The following VAMP1 variants were observed in gnomAD, a reference collection of about 807,000 sequenced individuals.
The protein encoded by VAMP1 is vesicle-associated membrane protein 1.
A neutral mutation model predicts 19.1 loss-of-function variants in VAMP1; 16 were observed. The ratio of observed to expected loss-of-function variants is 0.84; its 90% CI spans 0.57 to 1.27. VAMP1 has a LOEUF of 1.27. VAMP1 is among the 50% of genes most tolerant of loss of function. The pLI is 0.00. For missense variants in VAMP1, 109 were observed against 145.4 expected (o/e 0.75, Z 1.29); for synonymous variants, 37 against 50.2 (o/e 0.74, Z 1.11).
intron 3 of VAMP1, chr12:6,465,310 A>AAT (rs1949975298): frequency 2.6e-6 from 1 of 382,044 alleles, no homozygotes; most frequent in South Asian, 2.0e-5. Flanking sequence ...GTTATTTAAA[A>AAT]ATATATATTT....
At chr12:6,467,939 C>T (rs569937322) in intron 1 of VAMP1, among the ~76,000 whole-genome samples, 3 of 152,336 alleles carry the variant, frequency 2.0e-5, no homozygotes, top group East Asian at 3.9e-4. Flanking sequence ...AACTGAGGTT[C>T]GGGAACCTCC....
In VAMP1 at chr12:6,464,463, T is replaced by A. The variant is rs777865936; in HGVS notation, c.*7A>T. The A allele has an allele frequency of 1.9e-6, 3 of 1,553,912 alleles. No homozygotes were observed. Among genetic ancestry groups the A allele is most frequent in the Non-Finnish European group, 2.6e-6 (3 of 1,148,738 alleles). On this transcript the variant is annotated 3_prime_UTR_variant, in exon 5 of 5. Coordinates refer to ENST00000396308, the MANE Select transcript of VAMP1 (RefSeq NM_014231.5). Reference sequence around the variant, plus strand: ...GCAATGGACAACAGGGAAGGGGTGGTACATTCTCAAGTAAAAAAGTAGACT... The same window carrying A: ...GCAATGGACAACAGGGAAGGGGTGGAACATTCTCAAGTAAAAAAGTAGACT...
intron 4 of VAMP1, 146 bp downstream of exon 4, chr12:6,464,744 C>G (rs71584833): frequency 2.8e-5 from 42 of 1,519,780 alleles, no homozygotes; most frequent in Non-Finnish European, 3.3e-5. Flanking sequence ...GCCCTTCCCC[C>G]GTCCCGAACC....
chr12:6,463,145 A>G lies in VAMP1; in HGVS notation c.*1325T>C. 1 of 1,466,158 alleles carries G rather than the reference A, an allele frequency of 6.8e-7. No homozygotes were observed. Among genetic ancestry groups the G allele is most frequent in the South Asian group, 1.4e-5 (1 of 72,046 alleles). The allele number at this position is 1,466,158 out of a possible 1,614,324, so 90.8% of individuals were successfully genotyped here. On this transcript the variant is annotated 3_prime_UTR_variant, in exon 5 of 5. Coordinates refer to ENST00000396308, the MANE Select transcript of VAMP1 (RefSeq NM_014231.5). The surrounding 1 kb of genome is among the most constrained non-coding windows in gnomAD (Gnocchi z 4.0). ...ATCCCATCCTCAGGTTCCACTGTCT[A>G]TACACACAAACCATGCAAAGAGGAG...
In VAMP1 at chr12:6,465,414, G is replaced by GTA. The variant is rs746403911; in HGVS notation, c.288+426_288+427dup. 70 of 39,538 alleles carry GTA rather than the reference G, an allele frequency of 1.8e-3. 4 individuals are homozygous for GTA. The highest frequency in any genetic ancestry group is 6.1e-3 in the Admixed American group (23 of 3,774). 2.4% of individuals were successfully genotyped at this position (39,538 alleles called of 1,614,324 possible). On this transcript the variant is annotated intron_variant, in intron 3 of 4. Transcript: ENST00000396308. ...TATATATATATAAATGTATATATAT[G>GTA]TATATATATATATAAATGTATATAT...
intron 1 of VAMP1, among the ~76,000 whole-genome samples, chr12:6,470,280 G>C (rs2137016665): frequency 6.6e-6 from 1 of 152,128 alleles, no homozygotes; most frequent in Admixed American, 6.5e-5. Context: ...ACTCAGACGA[G>C]AGGAGAGGGT....
rs1311315110 is a variant in VAMP1, at chr12:6,464,542, C to G, written c.341-56G>C. 3.4e-6 allele frequency: 5 copies of G among 1,469,444 alleles called. No individual in the cohort carries two copies. The African/African-American group carries it at 4.3e-5, about 13-fold the overall frequency. The allele number at this position is 1,469,444 out of a possible 1,614,324, so 91.0% of individuals were successfully genotyped here. A position where few individuals can be genotyped will look rare whatever the true frequency, so the allele number is the denominator to read the frequency against. On this transcript the variant is annotated intron_variant, in intron 4 of 4. Transcript: ENST00000396308. ...GAAAAGAGAAAGAGACAGGAGAAAA[C>G]AAGAGGGTGAATTACACCAAGTTAC...
At position 6,462,946 on chromosome 12, in the gene VAMP1, G is replaced by A; in HGVS notation, c.*1524C>T. The A allele has an allele frequency of 6.4e-7, 1 of 1,554,610 alleles. No homozygotes were observed. The highest frequency in any genetic ancestry group is 8.7e-7 in the Non-Finnish European group (1 of 1,148,706). On this transcript the variant is annotated 3_prime_UTR_variant, in exon 5 of 5. Transcript: ENST00000396308. Reference sequence around the variant, plus strand: ...CATGGAAAGTGGGCATCCAGACCCTGCCCAGCATGGCCTCAGCCTCTTCCT... The same window carrying A: ...CATGGAAAGTGGGCATCCAGACCCTACCCAGCATGGCCTCAGCCTCTTCCT...
rs1446174834 is a variant in VAMP1, at chr12:6,462,963, C to T, written c.*1507G>A. ...CAGACCCTGCCCAGCATGGCCTCAG[C>T]CTCTTCCTGTTCGTGGACCGAGGGA... On this transcript the variant is annotated 3_prime_UTR_variant, in exon 5 of 5. Coordinates refer to ENST00000396308, the MANE Select transcript of VAMP1 (RefSeq NM_014231.5). 2 of 1,552,982 alleles carry T rather than the reference C, an allele frequency of 1.3e-6. No homozygotes were observed. Among genetic ancestry groups the T allele is most frequent in the African/African-American group, 2.7e-5 (2 of 73,168 alleles).
rs145088983 is a variant in VAMP1, at chr12:6,466,240, C to T, written c.114G>A (p.Gln38=). ...MTSNRRLQQT[Q]AQVEEVVDII... ...ATCTACCTACCTCCTCCACTTGTGC[C>T]TGGGTTTGCTGTAGTCGTCTGTTAC... Residue 38 remains glutamine (Q), a synonymous_variant, in exon 2 of 5, where the codon CAG becomes CAA. Transcript: ENST00000396308. 2.7e-4 allele frequency: 430 copies of T among 1,614,096 alleles called. No individual in the cohort carries two copies. Among genetic ancestry groups the T allele is most frequent in the Non-Finnish European group, 3.4e-4 (405 of 1,180,056 alleles).
chr12:6,469,357 C>T (rs1945710584), intron 1 of VAMP1, among the ~76,000 whole-genome samples: 1 of 152,180 alleles, frequency 6.6e-6, no homozygotes, highest in Non-Finnish European at 1.5e-5. Context: ...CTAGCCACCA[C>T]GATTTTTCTG....
At position 6,465,865 on chromosome 12, in the gene VAMP1, T is replaced by A; in HGVS notation, c.265A>T (p.Lys89Ter). 1 of 1,614,184 alleles carries A rather than the reference T, an allele frequency of 6.2e-7. No individual in the cohort carries two copies. The highest frequency in any genetic ancestry group is 8.5e-7 in the Non-Finnish European group (1 of 1,180,036). Reference protein sequence around the residue: ...FESSAAKLKRKYWWKNCKMMI... With the variant: ...FESSAAKLKR ...ACCTTGCAGTTTTTCCACCAATACTTCCTCTTTAGCTTGGCAGCACTGCTC... is the reference window on the plus strand; with the variant it reads ...ACCTTGCAGTTTTTCCACCAATACTACCTCTTTAGCTTGGCAGCACTGCTC... Residue 89 changes from lysine to a stop codon, truncating the protein, a stop_gained, in exon 3 of 5, where the codon AAG (lysine) becomes TAG (stop). Coordinates refer to ENST00000396308, the MANE Select transcript of VAMP1 (RefSeq NM_014231.5). LOFTEE classifies it high-confidence loss of function.
Position 6,463,559 on chromosome 12 carries a change from T to C in VAMP1, c.*911A>G. On this transcript the variant is annotated 3_prime_UTR_variant, in exon 5 of 5. Transcript: ENST00000396308. The surrounding 1 kb of genome is among the most constrained non-coding windows in gnomAD (Gnocchi z 4.0). ...GGGCAAGGAGTGGCTTCCTCTGAGC[T>C]TGTTACTTTCAAATTAAGCACTTGA... The C allele has an allele frequency of 9.4e-7, 1 of 1,058,710 alleles. No homozygotes were observed. The highest frequency in any genetic ancestry group is 1.1e-6 in the Non-Finnish European group (1 of 873,304). The allele number at this position is 1,058,710 out of a possible 1,614,324, so 65.6% of individuals were successfully genotyped here. A position where few individuals can be genotyped will look rare whatever the true frequency, so the allele number is the denominator to read the frequency against.
chr12:6,464,741 C>T, intron 4 of VAMP1, 149 bp downstream of exon 4: 26 of 1,519,864 alleles, frequency 1.7e-5, no homozygotes, highest in Non-Finnish European at 2.3e-5. Flanking sequence ...TCTGCCCTTC[C>T]CCCGTCCCGA....
At chr12:6,465,296 T>C in intron 3 of VAMP1, 1 of 385,302 alleles carries the variant, frequency 2.6e-6, no homozygotes, top group Non-Finnish European at 5.0e-6. Context: ...TCTCAAAAGT[T>C]GCAGTTATTT....
chr12:6,465,742 C>A, intron 3 of VAMP1, 100 bp downstream of exon 3: 1 of 1,472,988 alleles, frequency 6.8e-7, no homozygotes, highest in Non-Finnish European at 9.2e-7. Context: ...TCAGAGAGAT[C>A]CTGCACCATT....
In VAMP1 at chr12:6,462,854, C is replaced by T. The variant is rs1006213055; in HGVS notation, c.*1616G>A. On this transcript the variant is annotated 3_prime_UTR_variant, in exon 5 of 5. Coordinates refer to ENST00000396308, the MANE Select transcript of VAMP1 (RefSeq NM_014231.5). Reference sequence around the variant, plus strand: ...TCTTCAGTCCCGCCCTTGGGCAGGACGAAGGGAATGTGGGAAACAAGGGCG... The same window carrying T: ...TCTTCAGTCCCGCCCTTGGGCAGGATGAAGGGAATGTGGGAAACAAGGGCG... The T allele has an allele frequency of 6.9e-6, 11 of 1,605,568 alleles. No individual in the cohort carries two copies. The highest frequency in any genetic ancestry group is 2.2e-5 in the East Asian group (1 of 44,656).
chr12:6,466,605 G>A lies in VAMP1; in HGVS notation c.3-254C>T, dbSNP rs76279318. On this transcript the variant is annotated intron_variant, in intron 1 of 4. Coordinates refer to ENST00000396308, the MANE Select transcript of VAMP1 (RefSeq NM_014231.5). Reference sequence around the variant, plus strand: ...TGATTAGGCTATACAAAACTAGAATGGATTCTTGCTCCTTGGCAATCTGAA... The same window carrying A: ...TGATTAGGCTATACAAAACTAGAATAGATTCTTGCTCCTTGGCAATCTGAA... The A allele has an allele frequency of 1.1e-3, 343 of 311,226 alleles. 2 individuals carry two copies. Among genetic ancestry groups the A allele is most frequent in the African/African-American group, 7.0e-3 (318 of 45,136 alleles). The allele number at this position is 311,226 out of a possible 1,614,324, so 19.3% of individuals were successfully genotyped here.
At position 6,463,138 on chromosome 12, in the gene VAMP1, A is replaced by G; in HGVS notation, c.*1332T>C. 1 of 1,480,066 alleles carries G rather than the reference A, an allele frequency of 6.8e-7. No homozygotes were observed. Among genetic ancestry groups the G allele is most frequent in the Middle Eastern group, 2.4e-4 (1 of 4,086 alleles). The allele number at this position is 1,480,066 out of a possible 1,614,324, so 91.7% of individuals were successfully genotyped here. Reference sequence around the variant, plus strand: ...TGAGCAGATCCCATCCTCAGGTTCCACTGTCTATACACACAAACCATGCAA... The same window carrying G: ...TGAGCAGATCCCATCCTCAGGTTCCGCTGTCTATACACACAAACCATGCAA... On this transcript the variant is annotated 3_prime_UTR_variant, in exon 5 of 5. Transcript: ENST00000396308. The surrounding 1 kb of genome is among the most constrained non-coding windows in gnomAD (Gnocchi z 4.0).
Sources: gnomAD v4.1 joint callset for allele counts (sites outside exome capture counted in the v4.1 genomes callset) on GRCh38, gnomAD v4.1.1 for gene constraint, Gnocchi (gnomAD v3.1) non-coding constraint, MANE v1.5 for transcripts, NCBI Gene and HGNC (gene_info 2026-07-23, HGNC 2026-07-21) for gene names.